The following PTBP3 variants were observed in gnomAD, a reference collection of about 807,000 sequenced individuals.
PTBP3 encodes the protein polypyrimidine tract binding protein 3, also known as polypyrimidine tract-binding protein 3.
Under a neutral mutation model 58.7 loss-of-function variants are expected in PTBP3, and 20 were observed. The ratio of observed to expected loss-of-function variants is 0.34; its 90% CI spans 0.24 to 0.50. PTBP3 has a LOEUF of 0.50. Among genes scored for constraint, PTBP3 ranks in the 20% least tolerant of loss-of-function variants. PTBP3 has a pLI of 0.98. For missense variants in PTBP3, 509 were observed against 637.2 expected (o/e 0.80, Z 2.17); for synonymous variants, 185 against 219.8 (o/e 0.84, Z 1.40).
chr9:112,221,243 G>GT lies in PTBP3; in HGVS notation c.*2607dup. 1 of 984,536 alleles carries GT rather than the reference G, an allele frequency of 1.0e-6. No homozygotes were observed. The highest frequency in any genetic ancestry group is 1.7e-5 in the African/African-American group (1 of 57,252). 61.0% of individuals were successfully genotyped at this position (984,536 alleles called of 1,614,324 possible). A position where few individuals can be genotyped will look rare whatever the true frequency, so the allele number is the denominator to read the frequency against. On this transcript the variant is annotated 3_prime_UTR_variant, in exon 14 of 14. Coordinates refer to ENST00000374257, the MANE Select transcript of PTBP3 (RefSeq NM_001163788.4). ...TATGTATATACAACTTTAGAAGAGT[G>GT]TATTTATGTATATACACTTATCTAC...
Position 112,221,072 on chromosome 9 carries a change from T to C in PTBP3, c.*2779A>G, listed in dbSNP as rs554821868. The C allele has an allele frequency of 1.0e-6, 1 of 984,728 alleles. No homozygotes were observed. The highest frequency in any genetic ancestry group is 4.7e-5 in the South Asian group (1 of 21,282). 61.0% of individuals were successfully genotyped at this position (984,728 alleles called of 1,614,324 possible). A position where few individuals can be genotyped will look rare whatever the true frequency, so the allele number is the denominator to read the frequency against. ...TCTATAATTCAAACAGCAAATAGCT[T>C]AATATGGACAACATCCATGTGCTAC... On this transcript the variant is annotated 3_prime_UTR_variant, in exon 14 of 14. Transcript: ENST00000374257.
At chr9:112,333,383 TC>T in intron 1 of PTBP3, 86 bp downstream of exon 1, 1 of 1,423,518 alleles carries the variant, frequency 7.0e-7, no homozygotes, top group African/African-American at 1.5e-5. Flanking sequence ...CGCGCACTGC[TC>T]CCCAGCCCTT....
chr9:112,223,738 ACT>A lies in PTBP3; in HGVS notation c.*111_*112del. The A allele has an allele frequency of 7.3e-7, 1 of 1,373,662 alleles. No homozygotes were observed. The highest frequency in any genetic ancestry group is 9.3e-7 in the Non-Finnish European group (1 of 1,076,870). The allele number at this position is 1,373,662 out of a possible 1,614,324, so 85.1% of individuals were successfully genotyped here. ...TTTTTAAAATATACTTGAATATCAA[ACT>A]CAGAGTTATTTTTGTGAAAGAGGCA... is the stretch of plus-strand genomic sequence containing the variant. On this transcript the variant is annotated 3_prime_UTR_variant, in exon 14 of 14. Coordinates refer to ENST00000374257, the MANE Select transcript of PTBP3 (RefSeq NM_001163788.4).
the PTBP3 span, among the ~76,000 whole-genome samples, chr9:112,352,313 A>AT: frequency 8.0e-3 from 1,218 of 151,750 alleles, 17 homozygotes; most frequent in African/African-American, 0.028. Flanking sequence ...AGTTTTTTAA[A>AT]TTTTTTTTTA....
chr9:112,370,001 T>C, the PTBP3 span, among the ~76,000 whole-genome samples: 2 of 152,180 alleles, frequency 1.3e-5, no homozygotes, highest in Admixed American at 6.5e-5. Flanking sequence ...ATGTAAGACA[T>C]GCTTTTGCTC....
chr9:112,324,127 T>C (rs938536560), intron 1 of PTBP3, among the ~76,000 whole-genome samples: 1 of 151,990 alleles, frequency 6.6e-6, no homozygotes, highest in Non-Finnish European at 1.5e-5. Flanking sequence ...TAAAGAGTTT[T>C]TTTAAAAAAA....
the PTBP3 span, among the ~76,000 whole-genome samples, chr9:112,342,243 C>T: frequency 5.9e-5 from 9 of 152,258 alleles, no homozygotes; most frequent in East Asian, 1.9e-4. Context: ...TAGACAGAGC[C>T]GCATTACTGG....
chr9:112,285,322 T>C (rs562222440), intron 2 of PTBP3, among the ~76,000 whole-genome samples: 1 of 152,350 alleles, frequency 6.6e-6, no homozygotes, highest in African/African-American at 2.4e-5. Flanking sequence ...GATTGTAAGT[T>C]TCCTGAGGCC....
the PTBP3 span, among the ~76,000 whole-genome samples, chr9:112,370,033 T>C: frequency 6.6e-6 from 1 of 152,210 alleles, no homozygotes; most frequent in African/African-American, 2.4e-5. Flanking sequence ...TCTGCCATGA[T>C]TGAGAGGCCT....
At chr9:112,303,555 G>A (rs1270663236) in intron 1 of PTBP3, among the ~76,000 whole-genome samples, 4 of 152,104 alleles carry the variant, frequency 2.6e-5, no homozygotes, top group African/African-American at 4.8e-5. Flanking sequence ...CAATACAATC[G>A]CATGGGCAGC....
At chr9:112,297,081 C>G (rs1238492441) in intron 2 of PTBP3, among the ~76,000 whole-genome samples, 1 of 152,178 alleles carries the variant, frequency 6.6e-6, no homozygotes, top group African/African-American at 2.4e-5. Context: ...CACTTTACGG[C>G]CACTAAATTT....
chr9:112,235,024 T>C (rs974912945), intron 7 of PTBP3, 127 bp from the exon 8 acceptor site: 19 of 714,750 alleles, frequency 2.7e-5, no homozygotes, highest in Non-Finnish European at 3.8e-5. Flanking sequence ...AAAGATCTGT[T>C]CAACAAGTGA....
chr9:112,234,782 C>G lies in PTBP3; in HGVS notation c.880+38G>C, dbSNP rs1284517211. On this transcript the variant is annotated intron_variant, in intron 8 of 13. Transcript: ENST00000374257. ...TAAGTTCCTAGAAAATATACAACTT[C>G]ATTAAAAGTCATTTCAAATCCAACT... The G allele has an allele frequency of 1.9e-6, 3 of 1,546,138 alleles. No individual in the cohort carries two copies. In the East Asian group the frequency reaches 6.8e-5, roughly 35 times the overall value.
At chr9:112,252,888 T>G (rs1221713875) in intron 5 of PTBP3, 100 bp from the exon 6 acceptor site, 1 of 748,240 alleles carries the variant, frequency 1.3e-6, no homozygotes, top group African/African-American at 1.8e-5. Context: ...AAATGAAAAT[T>G]TTCTCTTGAA....
At position 112,223,732 on chromosome 9, in the gene PTBP3, T is replaced by C. The variant is rs1342313560; in HGVS notation, c.*119A>G. On this transcript the variant is annotated 3_prime_UTR_variant, in exon 14 of 14. Transcript: ENST00000374257. ...CCTTGATTTTTAAAATATACTTGAA[T>C]ATCAAACTCAGAGTTATTTTTGTGA... is the stretch of plus-strand genomic sequence containing the variant. 2 of 1,338,514 alleles carry C rather than the reference T, an allele frequency of 1.5e-6. No homozygotes were observed. The highest frequency in any genetic ancestry group is 6.6e-5 in the Admixed American group (2 of 30,274). The allele number at this position is 1,338,514 out of a possible 1,614,324, so 82.9% of individuals were successfully genotyped here.
At chr9:112,282,111 A>G (rs1827895308) in intron 2 of PTBP3, among the ~76,000 whole-genome samples, 1 of 152,156 alleles carries the variant, frequency 6.6e-6, no homozygotes, top group Non-Finnish European at 1.5e-5. Context: ...CATGTAATCT[A>G]AACATTATTT....
intron 2 of PTBP3, among the ~76,000 whole-genome samples, chr9:112,296,429 G>C (rs1016152084): frequency 6.6e-6 from 1 of 152,062 alleles, no homozygotes; most frequent in Non-Finnish European, 1.5e-5. Context: ...GGTAGATCCA[G>C]TTCTTTTCAT....
chr9:112,303,661 C>G (rs1829045446), intron 1 of PTBP3, among the ~76,000 whole-genome samples: 1 of 151,038 alleles, frequency 6.6e-6, no homozygotes, highest in East Asian at 1.9e-4. Context: ...GTCAGGAGTT[C>G]AGGACCAGCC....
At chr9:112,233,533 A>G (rs961561546) in intron 8 of PTBP3, among the ~76,000 whole-genome samples, 1 of 152,186 alleles carries the variant, frequency 6.6e-6, no homozygotes, top group African/African-American at 2.4e-5. Context: ...TATTCACTTA[A>G]TTAAACATAT....
Sources: gnomAD v4.1 joint callset for allele counts (sites outside exome capture counted in the v4.1 genomes callset) on GRCh38, gnomAD v4.1.1 for gene constraint, MANE v1.5 for transcripts, NCBI Gene and HGNC (gene_info 2026-07-23, HGNC 2026-07-21) for gene names.